The following FSCN2 variants were observed in gnomAD, a reference collection of about 807,000 sequenced individuals.
The protein encoded by FSCN2 is fascin actin-bundling protein 2, retinal, also known as fascin-2.
Under a neutral mutation model 37.8 loss-of-function variants are expected in FSCN2, and 46 were observed. The observed-to-expected ratio is 1.22, with a 90% CI of 0.96 to 1.56. FSCN2 has a LOEUF of 1.56. Ranked by LOEUF, FSCN2 falls within the 40% of genes most tolerant of loss-of-function variation. FSCN2 has a pLI of 0.00. For missense variants in FSCN2, 844 were observed against 730.4 expected (o/e 1.16, Z -1.79); for synonymous variants, 351 against 309.4 (o/e 1.13, Z -1.41).
At chr17:81,525,425 C>CAAAAAAAAAAAAAAAAAAAAAAA (rs1202765459), upstream of FSCN2, among the ~76,000 whole-genome samples, 38 of 47,814 alleles carry the variant, frequency 7.9e-4, 1 homozygote, top group Admixed American at 1.4e-3. Context: ...GACTCTGTCT[C>CAAAAAAAAAAAAAAAAAAAAAAA]AAAAAAAAAA....
the FSCN2 span, among the ~76,000 whole-genome samples, chr17:81,518,644 G>T: frequency 1.3e-5 from 2 of 151,560 alleles, no homozygotes; most frequent in Non-Finnish European, 2.9e-5. Flanking sequence ...CTCTCCCCGC[G>T]GCAGCAGGCC....
At chr17:81,531,183 ATGGTGGTGATGG>A (rs1762316557) in intron 1 of FSCN2, among the ~76,000 whole-genome samples, 1 of 116,910 alleles carries the variant, frequency 8.6e-6, no homozygotes, top group African/African-American at 4.7e-5. Flanking sequence ...GATGGTGATG[ATGGTGGTGATGG>A]TGGTGATGGT....
chr17:81,518,241 G>A, the FSCN2 span, among the ~76,000 whole-genome samples: 2 of 151,970 alleles, frequency 1.3e-5, no homozygotes, highest in African/African-American at 2.4e-5. Context: ...TGCCACCCAC[G>A]ACCTCCCATC....
chr17:81,534,349 T>G (rs1217582457), intron 1 of FSCN2, among the ~76,000 whole-genome samples: 1 of 151,956 alleles, frequency 6.6e-6, no homozygotes, highest in Admixed American at 6.6e-5. Flanking sequence ...TGTGGGAAGC[T>G]CCGCAATCTG....
At chr17:81,522,943 G>A in the FSCN2 span, among the ~76,000 whole-genome samples, 1 of 152,328 alleles carries the variant, frequency 6.6e-6, no homozygotes, top group Non-Finnish European at 1.5e-5. Context: ...CAGTGGTTGT[G>A]AGGCATCTGG....
At position 81,528,388 on chromosome 17, in the gene FSCN2, A is replaced by G; in HGVS notation, c.-144A>G. On this transcript the variant is annotated 5_prime_UTR_variant, in exon 1 of 5. Transcript: ENST00000417245. ...TGCTGCCGCGGGTCAGAGGCGGGTC[A>G]GAGCAGGCAGGGGGTTCGTGACGCC... The G allele has an allele frequency of 3.1e-6, 2 of 639,150 alleles. No individual in the cohort carries two copies. The highest frequency in any genetic ancestry group is 2.7e-6 in the Non-Finnish European group (1 of 370,218). The allele number at this position is 639,150 out of a possible 1,614,324, so 39.6% of individuals were successfully genotyped here. A position where few individuals can be genotyped will look rare whatever the true frequency, so the allele number is the denominator to read the frequency against.
chr17:81,518,346 T>TGCCCCTGTACCTGGCATA, the FSCN2 span, among the ~76,000 whole-genome samples: 38,810 of 146,196 alleles, frequency 0.27, 6,366 homozygotes, highest in Non-Finnish European at 0.36. Context: ...GTGAAGCTGG[T>TGCCCCTGTACCTGGCATA]GCCCCTGTAC....
rs2032561093 is a variant in FSCN2 at position 81,531,312 on chromosome 17, G to GTGA, written c.826+1957_826+1958insATG. On this transcript the variant is annotated intron_variant, in intron 1 of 4. Coordinates refer to ENST00000417245, the MANE Select transcript of FSCN2 (RefSeq NM_012418.4). Reference sequence around the variant, plus strand: ...GATGGTGGTGATGGTGATGGTGGTGGTGGTGATGATGGTGGTGGTGGTGAT... The same window carrying GTGA: ...GATGGTGGTGATGGTGATGGTGGTGGTGATGGTGATGATGGTGGTGGTGGTGAT... Among the ~76,000 whole-genome samples, 12 of 59,942 alleles carry GTGA rather than the reference G, an allele frequency of 2.0e-4. 1 individual carries two copies. Among genetic ancestry groups the GTGA allele is most frequent in the Non-Finnish European group, 3.2e-4 (10 of 31,038 alleles). 39.3% of individuals were successfully genotyped at this position (59,942 alleles called of 152,430 possible). A position where few individuals can be genotyped will look rare whatever the true frequency, so the allele number is the denominator to read the frequency against.
intron 1 of FSCN2, among the ~76,000 whole-genome samples, chr17:81,532,700 AGTGATAGTGATGGTGGTG>A (rs888241974): frequency 8.4e-6 from 1 of 119,064 alleles, no homozygotes; most frequent in Non-Finnish European, 1.8e-5. Flanking sequence ...TGATGGCGAT[AGTGATAGTGATGGTGGTG>A]GTGATAGTGA....
chr17:81,520,384 C>T, the FSCN2 span, among the ~76,000 whole-genome samples: 1 of 152,132 alleles, frequency 6.6e-6, no homozygotes, highest in South Asian at 2.1e-4. Flanking sequence ...AGGGAATCAC[C>T]CTGGGGAGCC....
chr17:81,515,994 A>G, the FSCN2 span, among the ~76,000 whole-genome samples: 5 of 152,230 alleles, frequency 3.3e-5, no homozygotes, highest in Non-Finnish European at 7.3e-5. Context: ...ACAGGCGTGC[A>G]CCACCATGCC....
At chr17:81,534,062 C>T (rs959810479) in intron 1 of FSCN2, among the ~76,000 whole-genome samples, 12 of 152,200 alleles carry the variant, frequency 7.9e-5, no homozygotes, top group Admixed American at 2.0e-4. Flanking sequence ...GATGCTGGCA[C>T]GAATACTCGG....
chr17:81,532,367 G>T (rs1405871981), intron 1 of FSCN2, among the ~76,000 whole-genome samples: 1 of 146,902 alleles, frequency 6.8e-6, no homozygotes, highest in Non-Finnish European at 1.5e-5. Context: ...TGGTGATGGT[G>T]ATGGTGATGA....
chr17:81,517,769 C>CG, the FSCN2 span, among the ~76,000 whole-genome samples: 3 of 151,204 alleles, frequency 2.0e-5, no homozygotes, highest in African/African-American at 7.3e-5. Flanking sequence ...CGCCCCCCCC[C>CG]CCTCCAGTCC....
chr17:81,529,008 C>T lies in FSCN2; in HGVS notation c.477C>T (p.Asp159=), dbSNP rs371033160. 1.8e-5 allele frequency: 29 copies of T among 1,584,342 alleles called. No homozygotes were observed. Among genetic ancestry groups the T allele is most frequent in the South Asian group, 6.9e-5 (6 of 87,576 alleles). ...RRYVHLCPRE[D]EMAADGDKPW... ...ACGTGCACCTGTGCCCGCGGGAGGA[C>T]GAGATGGCCGCAGACGGAGACAAGC... The change falls in exon 1 of 5, where the codon GAC becomes GAT. Residue 159 remains aspartate (D), a synonymous_variant. Coordinates refer to ENST00000417245, the MANE Select transcript of FSCN2 (RefSeq NM_012418.4).
intron 1 of FSCN2, among the ~76,000 whole-genome samples, chr17:81,531,435 A>G (rs1426634992): frequency 1.3e-3 from 27 of 20,376 alleles, no homozygotes; most frequent in Admixed American, 3.3e-3. Context: ...GATGATGGAG[A>G]TGGTGGTGAT....
intron 1 of FSCN2, chr17:81,529,706 G>T: frequency 1.8e-6 from 1 of 546,420 alleles, no homozygotes; most frequent in Non-Finnish European, 3.5e-6. Context: ...AGCAGGGGCA[G>T]GAGGCCCACA....
chr17:81,531,221 G>C (rs1428485254), intron 1 of FSCN2, among the ~76,000 whole-genome samples: 1 of 143,932 alleles, frequency 6.9e-6, no homozygotes, highest in Non-Finnish European at 1.5e-5. Flanking sequence ...TGGTGGTGAT[G>C]GTGATAATGG....
At chr17:81,518,250 T>C in the FSCN2 span, among the ~76,000 whole-genome samples, 1 of 152,066 alleles carries the variant, frequency 6.6e-6, no homozygotes, top group Non-Finnish European at 1.5e-5. Context: ...CGACCTCCCA[T>C]CAACTCCTAT....
Sources: allele counts gnomAD v4.1 joint callset (sites outside exome capture counted in the v4.1 genomes callset), GRCh38; gene constraint gnomAD v4.1.1; transcripts MANE v1.5; gene names NCBI Gene and HGNC (gene_info 2026-07-23, HGNC 2026-07-21).